The following PIK3R3 variants were observed in gnomAD, a reference collection of about 807,000 sequenced individuals.
PIK3R3 encodes the protein phosphoinositide-3-kinase regulatory subunit 3, also known as phosphatidylinositol 3-kinase regulatory subunit gamma.
PIK3R3 carries 64 observed loss-of-function variants against 62.9 expected under a neutral mutation model. The observed-to-expected ratio is 1.02, with a 90% CI of 0.83 to 1.25. PIK3R3 has a LOEUF of 1.25. PIK3R3 is among the 50% of genes most tolerant of loss of function. The pLI is 0.00. For synonymous variants in PIK3R3, 165 were observed against 189.0 expected (o/e 0.87, Z 1.04); for missense variants, 614 against 561.6 (o/e 1.09, Z -0.94).
chr1:46,096,365 T>C (rs1652122348), intron 1 of PIK3R3, among the ~76,000 whole-genome samples: 1 of 152,240 alleles, frequency 6.6e-6, no homozygotes, highest in Non-Finnish European at 1.5e-5. Flanking sequence ...AATGGTTGAT[T>C]ATATCACCAT....
intron 1 of PIK3R3, among the ~76,000 whole-genome samples, chr1:46,107,408 A>T (rs1347141339): frequency 6.6e-6 from 1 of 151,902 alleles, no homozygotes; most frequent in Non-Finnish European, 1.5e-5. Flanking sequence ...AAGGCTCCAG[A>T]TACATGAGAT....
the PIK3R3 span, among the ~76,000 whole-genome samples, chr1:46,138,677 C>T: frequency 6.6e-6 from 1 of 152,214 alleles, no homozygotes; most frequent in Non-Finnish European, 1.5e-5. Context: ...GTCCTGCAGC[C>T]TCCCCAAACA....
intron 1 of PIK3R3, among the ~76,000 whole-genome samples, chr1:46,099,618 T>A (rs1342297606): frequency 6.6e-6 from 1 of 152,246 alleles, no homozygotes. Flanking sequence ...TACCATTACA[T>A]GAATATTCTA....
rs111816110 is a variant in PIK3R3 at position 46,107,050 on chromosome 1, C to T, written c.106+24797G>A. ...TGCTGGGATTACAGGCGTGAGCCAC[C>T]GTGCCCGGCTGCCTTAGTCTTTTAA... On this transcript the variant is annotated intron_variant, in intron 1 of 9. Coordinates refer to ENST00000262741, the MANE Select transcript of PIK3R3 (RefSeq NM_003629.4). Among the ~76,000 whole-genome samples the T allele has an allele frequency of 2.6e-5, 4 of 152,264 alleles. No homozygotes were observed. In the East Asian group the frequency reaches 5.8e-4, roughly 22 times the overall value.
the PIK3R3 span, among the ~76,000 whole-genome samples, chr1:46,162,137 C>A: frequency 6.8e-6 from 1 of 148,110 alleles, no homozygotes; most frequent in Non-Finnish European, 1.5e-5. Context: ...TTTAGAATAG[C>A]AAAAAATTAG....
chr1:46,162,898 C>T, the PIK3R3 span, among the ~76,000 whole-genome samples: 1 of 152,232 alleles, frequency 6.6e-6, no homozygotes, highest in Non-Finnish European at 1.5e-5. Context: ...GCTGGGATTA[C>T]AGGCACGAGC....
intron 1 of PIK3R3, among the ~76,000 whole-genome samples, chr1:46,087,750 T>G (rs983143974): frequency 5.3e-5 from 8 of 152,134 alleles, no homozygotes; most frequent in African/African-American, 1.9e-4. Context: ...CATCACCTTA[T>G]CACTTCTCAG....
In PIK3R3 at chr1:46,090,218, G is replaced by C. The variant is rs546495989; in HGVS notation, c.107-9468C>G. Among the ~76,000 whole-genome samples, 3 of 152,226 alleles carry C rather than the reference G, an allele frequency of 2.0e-5. No homozygotes were observed. In the East Asian group the frequency reaches 5.8e-4, roughly 29 times the overall value. Reference sequence around the variant, plus strand: ...ATTATCTCACCTCTCTGAACCTTAAGTTTCATGCTATGTTGAATTCAACTT... The same window carrying C: ...ATTATCTCACCTCTCTGAACCTTAACTTTCATGCTATGTTGAATTCAACTT... On this transcript the variant is annotated intron_variant, in intron 1 of 9. Transcript: ENST00000262741.
intron 7 of PIK3R3, chr1:46,046,903 A>C (rs745804339): frequency 4.5e-5 from 23 of 510,686 alleles, no homozygotes; most frequent in Non-Finnish European, 6.2e-5. Context: ...ATGTGCCACC[A>C]CAAGCACACA....
intron 1 of PIK3R3, among the ~76,000 whole-genome samples, chr1:46,127,364 T>C (rs926428390): frequency 6.8e-6 from 1 of 146,658 alleles, no homozygotes; most frequent in African/African-American, 2.5e-5. Flanking sequence ...AAAATATATA[T>C]ATATATACAT....
chr1:46,119,092 A>G (rs1050958089), intron 1 of PIK3R3, among the ~76,000 whole-genome samples: 10 of 151,946 alleles, frequency 6.6e-5, no homozygotes, highest in African/African-American at 2.4e-4. Flanking sequence ...CCTGTACTCT[A>G]TTTTTATCCT....
At chr1:46,079,771 T>C (rs1037798914) in intron 2 of PIK3R3, among the ~76,000 whole-genome samples, 7 of 152,002 alleles carry the variant, frequency 4.6e-5, no homozygotes, top group African/African-American at 1.7e-4. Flanking sequence ...CTAGCCAACA[T>C]GGTGAAACCC....
chr1:46,142,437 G>A, the PIK3R3 span, among the ~76,000 whole-genome samples: 3 of 152,318 alleles, frequency 2.0e-5, no homozygotes, highest in East Asian at 1.9e-4. Context: ...GGTGGCTCAC[G>A]CCTGTAATCC....
the PIK3R3 span, among the ~76,000 whole-genome samples, chr1:46,149,966 T>C: frequency 6.6e-6 from 1 of 152,248 alleles, no homozygotes; most frequent in Non-Finnish European, 1.5e-5. Context: ...ATACTACTGC[T>C]CTGCCTATGG....
intron 1 of PIK3R3, chr1:46,104,839 G>A (rs1174320063): frequency 4.8e-6 from 2 of 412,996 alleles, no homozygotes; most frequent in African/African-American, 2.1e-5. Context: ...AGCTAAGGCA[G>A]GGAACTTGAA....
chr1:46,067,636 T>C (rs954507036), intron 3 of PIK3R3, among the ~76,000 whole-genome samples: 9 of 152,230 alleles, frequency 5.9e-5, no homozygotes, highest in African/African-American at 1.7e-4. Flanking sequence ...CCTTAATCTA[T>C]GATTTATAGC....
intron 1 of PIK3R3, among the ~76,000 whole-genome samples, chr1:46,088,117 G>A (rs1018665362): frequency 1.3e-5 from 2 of 152,184 alleles, no homozygotes; most frequent in Admixed American, 1.3e-4. Context: ...GAGTGTGATG[G>A]CTCATGCCTC....
At chr1:46,126,855 CA>C (rs1465623526) in intron 1 of PIK3R3, among the ~76,000 whole-genome samples, 1 of 151,806 alleles carries the variant, frequency 6.6e-6, no homozygotes. Flanking sequence ...TCTAATACTA[CA>C]AATATCAATA....
the PIK3R3 span, among the ~76,000 whole-genome samples, chr1:46,141,478 C>T: frequency 6.6e-6 from 1 of 151,840 alleles, no homozygotes; most frequent in Non-Finnish European, 1.5e-5. Flanking sequence ...ACCATCTTGG[C>T]CAGGCTGGTC....
Sources: allele counts gnomAD v4.1 joint callset (sites outside exome capture counted in the v4.1 genomes callset), GRCh38; gene constraint gnomAD v4.1.1; transcripts MANE v1.5; gene names NCBI Gene and HGNC (gene_info 2026-07-23, HGNC 2026-07-21).